The following GLT8D2 variants were observed in gnomAD, a reference collection of about 807,000 sequenced individuals.
GLT8D2 encodes the protein glycosyltransferase 8 domain containing 2.
A neutral mutation model predicts 44.5 loss-of-function variants in GLT8D2; 45 were observed. The ratio of observed to expected loss-of-function variants is 1.01; its 90% CI spans 0.80 to 1.30. GLT8D2 has a LOEUF of 1.30. GLT8D2 is among the 50% of genes most tolerant of loss of function. The pLI is 0.00. For missense variants in GLT8D2, 400 were observed against 430.4 expected, an observed-to-expected ratio of 0.93 and a Z score of 0.62; for synonymous variants, 156 against 157.2, an observed-to-expected ratio of 0.99 and a Z score of 0.06.
At chr12:104,022,045 AAGAAGAAGAAGG>A (rs1877945444) in intron 1 of GLT8D2, among the ~76,000 whole-genome samples, 4 of 131,904 alleles carry the variant, frequency 3.0e-5, no homozygotes, top group African/African-American at 1.4e-4. Context: ...GAAGAAGAAG[AAGAAGAAGAAGG>A]GAAAGAAAGA....
chr12:104,063,677 T>C (rs1882894185), intron 1 of GLT8D2, among the ~76,000 whole-genome samples: 1 of 152,178 alleles, frequency 6.6e-6, no homozygotes, highest in Non-Finnish European at 1.5e-5. Context: ...AGAAGCCCTG[T>C]GTTGGAATCC....
rs1330942122 is a variant in GLT8D2 at position 103,996,807 on chromosome 12, G to A, written c.528C>T (p.Gly176=). 9 of 1,614,092 alleles carry A rather than the reference G, an allele frequency of 5.6e-6. No homozygotes were observed. The highest frequency in any genetic ancestry group is 1.1e-5 in the South Asian group (1 of 91,072). The change falls in exon 8 of 11, where the codon GGC becomes GGT. Residue 176 remains glycine, a synonymous_variant. Coordinates refer to ENST00000360814, the MANE Select transcript of GLT8D2 (RefSeq NM_001384711.1). ...QELYDTTLAL[G]HAAAFSDDCD... is the part of the protein sequence containing the mutation. ...AGTCATCTGAGAAAGCCGCCGCGTGGCCCAGGGCCAAGGTGGTGTCATACA... is the reference window on the plus strand; with the variant it reads ...AGTCATCTGAGAAAGCCGCCGCGTGACCCAGGGCCAAGGTGGTGTCATACA...
chr12:104,024,835 T>C (rs961399015), intron 1 of GLT8D2, among the ~76,000 whole-genome samples: 3 of 151,898 alleles, frequency 2.0e-5, no homozygotes, highest in Non-Finnish European at 4.4e-5. Flanking sequence ...CTTTGAGAGG[T>C]TGAGGCTGGC....
At position 104,057,091 on chromosome 12, in the gene GLT8D2, G is replaced by T. The variant is rs561072970; in HGVS notation, c.-422-6803C>A. The stretch of plus-strand genomic sequence containing the variant: ...TCAACTCCAGATGGGCATCCAGAGA[G>T]ACTTAGTAAAGGTAAACTTATGAAC... On this transcript the variant is annotated intron_variant, in intron 1 of 10. Coordinates refer to the GLT8D2 transcript ENST00000548660. Among the ~76,000 whole-genome samples the T allele has an allele frequency of 3.9e-5, 6 of 152,328 alleles. No individual in the cohort carries two copies. The South Asian group carries it at 1.2e-3, about 32-fold the overall frequency.
upstream of GLT8D2, among the ~76,000 whole-genome samples, chr12:104,053,538 C>G (rs1881897417): frequency 6.6e-6 from 1 of 152,196 alleles, no homozygotes; most frequent in South Asian, 2.1e-4. Context: ...GCATGTAAGG[C>G]ACTCAATAAG....
upstream of GLT8D2, among the ~76,000 whole-genome samples, chr12:104,050,528 A>G (rs919080502): frequency 2.6e-5 from 4 of 152,224 alleles, no homozygotes; most frequent in Non-Finnish European, 5.9e-5. Context: ...AATAATGACA[A>G]AAGTTTCAGG....
Position 104,016,729 on chromosome 12 carries a change from A to AAGAG in GLT8D2, c.20-1625_20-1624insCTCT, listed in dbSNP as rs1876715544. On this transcript the variant is annotated intron_variant, in intron 3 of 10. Coordinates refer to ENST00000360814, the MANE Select transcript of GLT8D2 (RefSeq NM_001384711.1). Reference sequence around the variant, plus strand: ...GGAGAGAGAAAGAAAGAAAGAAAGAAAGAAAGAAAGAAAGAAAGAAAGAAA... The same window carrying AAGAG: ...GGAGAGAGAAAGAAAGAAAGAAAGAAAGAGAGAAAGAAAGAAAGAAAGAAAGAAA... 4.2e-5 allele frequency among the ~76,000 whole-genome samples: 3 copies of AAGAG among 71,960 alleles called. No individual in the cohort carries two copies. The East Asian group carries it at 1.4e-3, about 33-fold the overall frequency. 47.2% of individuals were successfully genotyped at this position (71,960 alleles called of 152,430 possible). A position where few individuals can be genotyped will look rare whatever the true frequency, so the allele number is the denominator to read the frequency against.
rs1469823058 is a variant in GLT8D2, at chr12:104,021,974, AGAG to A, written c.-163-486_-163-484del. Reference sequence around the variant, plus strand: ...AAGAAGAGGAAGAAGAGGAAGAGGAAGAGGAAGAGGAAGAAGAAGAAGAAGAAG... The same window carrying A: ...AAGAAGAGGAAGAAGAGGAAGAGGAAGAAGAGGAAGAAGAAGAAGAAGAAG... On this transcript the variant is annotated intron_variant, in intron 1 of 10. Coordinates refer to ENST00000360814, the MANE Select transcript of GLT8D2 (RefSeq NM_001384711.1). Among the ~76,000 whole-genome samples, 516 of 77,228 alleles carry A rather than the reference AGAG, an allele frequency of 6.7e-3. 89 individuals carry two copies. Among genetic ancestry groups the A allele is most frequent in the South Asian group, 0.016 (28 of 1,708 alleles). 50.7% of individuals were successfully genotyped at this position (77,228 alleles called of 152,430 possible).
intron 4 of GLT8D2, 97 bp from the exon 5 acceptor site, chr12:104,003,403 T>C (rs1388600639): frequency 1.9e-6 from 2 of 1,036,984 alleles, no homozygotes; most frequent in Non-Finnish European, 2.9e-6. Context: ...GATGGCATAG[T>C]GTGGAAGAGA....
intron 1 of GLT8D2, among the ~76,000 whole-genome samples, chr12:104,045,745 A>G (rs1320539805): frequency 6.6e-6 from 1 of 152,158 alleles, no homozygotes; most frequent in East Asian, 1.9e-4. Flanking sequence ...AAGGCTCTTC[A>G]GAAAAATACT....
At chr12:104,052,906 T>TCAGTCTTTCTCAG, upstream of GLT8D2, among the ~76,000 whole-genome samples, 1 of 152,278 alleles carries the variant, frequency 6.6e-6, no homozygotes, top group Admixed American at 6.5e-5. Context: ...TGTACCTTAT[T>TCAGTCTTTCTCAG]TTAAAGCACA....
chr12:104,009,831 T>G (rs1471637339), intron 4 of GLT8D2, among the ~76,000 whole-genome samples: 1 of 152,224 alleles, frequency 6.6e-6, no homozygotes, highest in Non-Finnish European at 1.5e-5. Context: ...ATTTTCACTT[T>G]TGTATCTCTC....
chr12:104,035,522 G>A lies in GLT8D2; in HGVS notation c.-163-14031C>T, dbSNP rs181343513. Among the ~76,000 whole-genome samples the A allele has an allele frequency of 8.5e-5, 13 of 152,318 alleles. No individual in the cohort carries two copies. The East Asian group carries it at 2.5e-3, about 29-fold the overall frequency. ...ATGGCACGAGAACTATGTGATGCATGCACAAGCTTCAATAGCCAATTCGAT... is the reference window on the plus strand; with the variant it reads ...ATGGCACGAGAACTATGTGATGCATACACAAGCTTCAATAGCCAATTCGAT... On this transcript the variant is annotated intron_variant, in intron 1 of 10. Transcript: ENST00000360814.
intron 10 of GLT8D2, among the ~76,000 whole-genome samples, chr12:103,991,823 TAAAAAAA>T (rs11340919): frequency 1.9e-4 from 23 of 123,174 alleles, no homozygotes; most frequent in East Asian, 1.5e-3. Context: ...TTACGTCCTT[TAAAAAAA>T]AAAAAAAAAA....
chr12:104,018,875 T>G (rs1156565502), intron 3 of GLT8D2, among the ~76,000 whole-genome samples: 1 of 152,208 alleles, frequency 6.6e-6, no homozygotes, highest in Non-Finnish European at 1.5e-5. Flanking sequence ...GGTCACAGAA[T>G]TAGGTTACTA....
chr12:104,036,271 A>G (rs1879917736), intron 1 of GLT8D2, among the ~76,000 whole-genome samples: 1 of 152,158 alleles, frequency 6.6e-6, no homozygotes, highest in Non-Finnish European at 1.5e-5. Context: ...AAAATAACCA[A>G]CTAACATCAT....
At chr12:104,057,042 T>C (rs1447687815) in intron 1 of GLT8D2, among the ~76,000 whole-genome samples, 3 of 152,190 alleles carry the variant, frequency 2.0e-5, no homozygotes, top group East Asian at 1.9e-4. Flanking sequence ...TTGGTGGCCA[T>C]GGGAATGTTG....
chr12:104,012,183 A>ATATAT (rs1555278385), intron 4 of GLT8D2, among the ~76,000 whole-genome samples: 20 of 84,040 alleles, frequency 2.4e-4, no homozygotes, highest in Non-Finnish European at 4.1e-4. Flanking sequence ...AAAAAAAAAA[A>ATATAT]AAAAAAATAT....
At chr12:104,052,417 G>A (rs1881800021), upstream of GLT8D2, among the ~76,000 whole-genome samples, 2 of 152,188 alleles carry the variant, frequency 1.3e-5, no homozygotes, top group Admixed American at 1.3e-4. Context: ...AGCAAACTGA[G>A]GCTTTGAGCA....
Sources: gnomAD v4.1 joint callset for allele counts (sites outside exome capture counted in the v4.1 genomes callset) on GRCh38, gnomAD v4.1.1 for gene constraint, MANE v1.5 for transcripts, NCBI Gene and HGNC (gene_info 2026-07-23, HGNC 2026-07-21) for gene names.